NCS1: variants seen among roughly 807,000 people sequenced by gnomAD.
NCS1 encodes the protein neuronal calcium sensor 1.
In NCS1, 6 loss-of-function variants were observed where a neutral mutation model predicts 28.4. The observed-to-expected ratio is 0.21, with a 90% CI of 0.12 to 0.42. NCS1 has a LOEUF of 0.42. NCS1 is among the 10% of genes least tolerant of loss of function. The pLI, the probability that NCS1 is intolerant of heterozygous loss-of-function variation, is 1.00. For synonymous variants in NCS1, 86 were observed against 99.3 expected (o/e 0.87, Z 0.79); for missense variants, 131 against 241.4 (o/e 0.54, Z 3.03).
At chr9:130,210,610 C>T (rs1833100449) in intron 2 of NCS1, among the ~76,000 whole-genome samples, 2 of 151,764 alleles carry the variant, frequency 1.3e-5, no homozygotes, top group African/African-American at 4.8e-5. Flanking sequence ...GTGGTGTTAA[C>T]AATCTCAGCT....
rs1195791495 is a variant in NCS1 at position 130,233,337 on chromosome 9, A to T, written c.*365A>T. The T allele has an allele frequency of 6.6e-6, 1 of 152,196 alleles. No individual in the cohort carries two copies. The highest frequency in any genetic ancestry group is 2.4e-5 in the African/African-American group (1 of 41,418). The allele number at this position is 152,196 out of a possible 1,614,324, so 9.4% of individuals were successfully genotyped here. A position where few individuals can be genotyped will look rare whatever the true frequency, so the allele number is the denominator to read the frequency against. Reference sequence around the variant, plus strand: ...ATTTTGAACAGACGTTTTAAAAGAAAAAAAAACAACTACCTTCTGTCCTAG... The same window carrying T: ...ATTTTGAACAGACGTTTTAAAAGAATAAAAAACAACTACCTTCTGTCCTAG... On this transcript the variant is annotated 3_prime_UTR_variant, in exon 8 of 8. Transcript: ENST00000372398. The surrounding 1 kb of genome is among the most constrained non-coding windows in gnomAD (Gnocchi z 4.8).
chr9:130,186,570 TC>T lies in NCS1; in HGVS notation c.64+13845del, dbSNP rs112793882. Among the ~76,000 whole-genome samples, 1,453 of 152,174 alleles carry T rather than the reference TC, an allele frequency of 9.5e-3. 22 individuals are homozygous for T. The highest frequency in any genetic ancestry group is 0.033 in the African/African-American group (1,383 of 41,504). The stretch of plus-strand genomic sequence containing the variant: ...GCAGGAACAGCATGTTCCAGGTCAG[TC>T]CTCACCTTCCAGGGCTCCCGAACCC... On this transcript the variant is annotated intron_variant, in intron 1 of 7. Transcript: ENST00000372398. The surrounding 1 kb of genome is among the most constrained non-coding windows in gnomAD (Gnocchi z 4.1).
intron 2 of NCS1, among the ~76,000 whole-genome samples, chr9:130,207,839 G>A (rs1833048514): frequency 2.6e-5 from 4 of 152,224 alleles, no homozygotes; most frequent in Admixed American, 2.6e-4. Flanking sequence ...GCCGTTGTCT[G>A]TATTTGGCAG....
chr9:130,226,802 G>A lies in NCS1; in HGVS notation c.*17+298G>A, dbSNP rs1588126749. Reference sequence around the variant, plus strand: ...AGCACTTTGGGAAGCTGAAGCAGGCGGATCACCAGGTCAGGAGTTCAAGAC... The same window carrying A: ...AGCACTTTGGGAAGCTGAAGCAGGCAGATCACCAGGTCAGGAGTTCAAGAC... On this transcript the variant is annotated intron_variant, in intron 7 of 7. Transcript: ENST00000372398. The surrounding 1 kb of genome is among the most constrained non-coding windows in gnomAD (Gnocchi z 4.8). Among the ~76,000 whole-genome samples, 1 of 152,124 alleles carries A rather than the reference G, an allele frequency of 6.6e-6. No homozygotes were observed.
intron 2 of NCS1, among the ~76,000 whole-genome samples, chr9:130,205,680 A>G (rs960108996): frequency 1.5e-3 from 230 of 151,244 alleles, no homozygotes; most frequent in African/African-American, 5.5e-3. Context: ...TACAAAAGAA[A>G]AAAAAAAAAA....
At chr9:130,199,466 A>G (rs1832914978) in intron 1 of NCS1, among the ~76,000 whole-genome samples, 1 of 152,060 alleles carries the variant, frequency 6.6e-6, no homozygotes, top group South Asian at 2.1e-4. Flanking sequence ...GGCTTGTGGG[A>G]GGAGAGTGCT....
At chr9:130,176,745 T>C (rs1244867801) in intron 1 of NCS1, among the ~76,000 whole-genome samples, 1 of 152,222 alleles carries the variant, frequency 6.6e-6, no homozygotes, top group Non-Finnish European at 1.5e-5. Context: ...AAGTGCTCAC[T>C]GTGTGCCAGG....
At position 130,235,120 on chromosome 9, in the gene NCS1, A is replaced by ACCCCCCCCCCCCCC. The variant is rs5900889; in HGVS notation, c.*2155_*2156insCCCCCCCCCCCCCC. On this transcript the variant is annotated 3_prime_UTR_variant, in exon 8 of 8. Coordinates refer to ENST00000372398, the MANE Select transcript of NCS1 (RefSeq NM_014286.4). ...AGGACTGCACGCTGGCCCCACGGTA[A>ACCCCCCCCCCCCCC]CCCCCCCTCCCCCACCAACATCCTG... 1 of 148,510 alleles carries ACCCCCCCCCCCCCC rather than the reference A, an allele frequency of 6.7e-6. No homozygotes were observed. The highest frequency in any genetic ancestry group is 2.5e-5 in the African/African-American group (1 of 39,440). 9.2% of individuals were successfully genotyped at this position (148,510 alleles called of 1,614,324 possible). A position where few individuals can be genotyped will look rare whatever the true frequency, so the allele number is the denominator to read the frequency against.
Position 130,228,996 on chromosome 9 carries a change from T to TTAC in NCS1, c.*17+2494_*17+2495insCTA, listed in dbSNP as rs150725401. On this transcript the variant is annotated intron_variant, in intron 7 of 7. Transcript: ENST00000372398. ...GGCCTACACTGTTTTGAAGCGTCTG[T>TTAC]TATTATTATTATTATTTTTCACAAG... Among the ~76,000 whole-genome samples the TTAC allele has an allele frequency of 5.0e-3, 763 of 151,890 alleles. 9 individuals are homozygous for TTAC. Among genetic ancestry groups the TTAC allele is most frequent in the East Asian group, 0.038 (197 of 5,164 alleles).
intron 2 of NCS1, among the ~76,000 whole-genome samples, chr9:130,211,923 A>G (rs1231233914): frequency 1.3e-5 from 2 of 152,080 alleles, no homozygotes; most frequent in Non-Finnish European, 1.5e-5. Context: ...GTCCTGGAGC[A>G]TGACCCGGCC....
In NCS1 at chr9:130,181,290, G is replaced by A. The variant is rs182432679; in HGVS notation, c.64+8563G>A. On this transcript the variant is annotated intron_variant, in intron 1 of 7. Coordinates refer to ENST00000372398, the MANE Select transcript of NCS1 (RefSeq NM_014286.4). This position sits in a 1 kb window ranked among gnomAD's most constrained non-coding sequence, Gnocchi z 5.0. ...GGATAAGGGACTTCTACTACACAGAGCCGTGTGCGGGGTTAGGAATAACAG... is the reference window on the plus strand; with the variant it reads ...GGATAAGGGACTTCTACTACACAGAACCGTGTGCGGGGTTAGGAATAACAG... Among the ~76,000 whole-genome samples, 133 of 152,282 alleles carry A rather than the reference G, an allele frequency of 8.7e-4. No individual in the cohort carries two copies. Among genetic ancestry groups the A allele is most frequent in the African/African-American group, 3.1e-3 (130 of 41,544 alleles).
At chr9:130,201,085 T>C in intron 2 of NCS1, 103 bp downstream of exon 2, 2 of 1,495,732 alleles carry the variant, frequency 1.3e-6, no homozygotes, top group East Asian at 2.3e-5. Context: ...GATGGGGGCA[T>C]GTGGAGGGGC....
chr9:130,208,882 G>A (rs116693137), intron 2 of NCS1, among the ~76,000 whole-genome samples: 1 of 152,156 alleles, frequency 6.6e-6, no homozygotes, highest in Non-Finnish European at 1.5e-5. Flanking sequence ...AGCTCTGTGT[G>A]TGTGTGTGTG....
intron 2 of NCS1, among the ~76,000 whole-genome samples, chr9:130,213,850 A>G (rs1051494227): frequency 8.5e-5 from 13 of 152,196 alleles, no homozygotes; most frequent in South Asian, 2.1e-4. Flanking sequence ...AAGTGCTGGA[A>G]TTACAGGCGT....
rs1554906397 is a variant in NCS1 at position 130,192,781 on chromosome 9, C to T, written c.65-8177C>T. ...TCTGAGGCCTTGTGTGCTTGGGGCA[C>T]CTGGAGGATTGGAGCAGCAGGTGGC... is the stretch of plus-strand genomic sequence containing the variant. On this transcript the variant is annotated intron_variant, in intron 1 of 7. Transcript: ENST00000372398. This position sits in a 1 kb window ranked among gnomAD's most constrained non-coding sequence, Gnocchi z 4.8. 6.6e-6 allele frequency among the ~76,000 whole-genome samples: 1 copy of T among 152,036 alleles called. No individual in the cohort carries two copies. The highest frequency in any genetic ancestry group is 2.4e-5 in the African/African-American group (1 of 41,398).
At chr9:130,213,871 G>A (rs1378304751) in intron 2 of NCS1, among the ~76,000 whole-genome samples, 1 of 152,172 alleles carries the variant, frequency 6.6e-6, no homozygotes, top group Non-Finnish European at 1.5e-5. Flanking sequence ...GAGCCACCAT[G>A]CCTGGCCACA....
chr9:130,220,950 C>T (rs1487080453), intron 4 of NCS1, among the ~76,000 whole-genome samples: 5 of 152,072 alleles, frequency 3.3e-5, no homozygotes, highest in Non-Finnish European at 5.9e-5. Flanking sequence ...TCCCAGGCCC[C>T]GGGCTCTCCC....
chr9:130,179,153 G>A (rs1319046201), intron 1 of NCS1, among the ~76,000 whole-genome samples: 2 of 151,222 alleles, frequency 1.3e-5, no homozygotes, highest in East Asian at 2.0e-4. Flanking sequence ...GGCTGGTCTC[G>A]AACTCCTGAC....
At chr9:130,199,560 G>A (rs1416449148) in intron 1 of NCS1, among the ~76,000 whole-genome samples, 2 of 152,202 alleles carry the variant, frequency 1.3e-5, no homozygotes, top group African/African-American at 4.8e-5. Context: ...TCAGGCCCTT[G>A]CCTTGCCACT....
Sources: gnomAD v4.1 joint callset for allele counts (sites outside exome capture counted in the v4.1 genomes callset) on GRCh38, gnomAD v4.1.1 for gene constraint, Gnocchi (gnomAD v3.1) non-coding constraint, MANE v1.5 for transcripts, NCBI Gene and HGNC (gene_info 2026-07-23, HGNC 2026-07-21) for gene names.